ATF6: variants seen among roughly 807,000 people sequenced by gnomAD.
The protein encoded by ATF6 is cyclic AMP-dependent transcription factor ATF-6 alpha.
ATF6 carries 53 observed loss-of-function variants against 83.6 expected under a neutral mutation model. That is an observed-to-expected ratio of 0.63 (90% CI 0.51 to 0.80). ATF6 has a LOEUF of 0.80. Among genes scored for constraint, ATF6 ranks in the 30% least tolerant of loss-of-function variants. ATF6 has a pLI of 0.00. For missense variants in ATF6, 744 were observed against 797.9 expected, an observed-to-expected ratio of 0.93 and a Z score of 0.81; for synonymous variants, 288 against 285.8, an observed-to-expected ratio of 1.01 and a Z score of -0.08.
Position 161,959,656 on chromosome 1 carries a change from C to CGA in ATF6, c.*1005_*1006dup, listed in dbSNP as rs1189536745. On this transcript the variant is annotated 3_prime_UTR_variant, in exon 16 of 16. Transcript: ENST00000367942. ...CTGCACTCCAGCCTGGGCGACAGAG[C>CGA]GAGACTCCGTCTCAAAAAAAAAAAA... 8.4e-6 allele frequency: 1 copy of CGA among 119,096 alleles called. No individual in the cohort carries two copies. Among genetic ancestry groups the CGA allele is most frequent in the Non-Finnish European group, 1.6e-5 (1 of 61,152 alleles). The allele number at this position is 119,096 out of a possible 1,614,324, so 7.4% of individuals were successfully genotyped here.
chr1:161,790,717 A>G (rs1684854518), intron 4 of ATF6, among the ~76,000 whole-genome samples: 1 of 152,064 alleles, frequency 6.6e-6, no homozygotes, highest in South Asian at 2.1e-4. Flanking sequence ...AGGCTAAGGC[A>G]GGAGAATTGC....
At chr1:161,889,475 A>G (rs1459770135) in intron 14 of ATF6, among the ~76,000 whole-genome samples, 2 of 152,266 alleles carry the variant, frequency 1.3e-5, no homozygotes, top group Admixed American at 1.3e-4. Flanking sequence ...AACCCAAGCT[A>G]TAACAACATG....
At chr1:161,786,146 G>A (rs1487169815) in intron 4 of ATF6, among the ~76,000 whole-genome samples, 1 of 151,430 alleles carries the variant, frequency 6.6e-6, no homozygotes, top group Non-Finnish European at 1.5e-5. Context: ...CACCACACCC[G>A]GCTAATTTTT....
chr1:161,880,350 G>A lies in ATF6; in HGVS notation c.1719+17038G>A, dbSNP rs77514064. Among the ~76,000 whole-genome samples, 59 of 146,766 alleles carry A rather than the reference G, an allele frequency of 4.0e-4. 1 individual carries two copies. The highest frequency in any genetic ancestry group is 7.0e-3 in the Middle Eastern group (2 of 286). On this transcript the variant is annotated intron_variant, in intron 14 of 15. Coordinates refer to ENST00000367942, the MANE Select transcript of ATF6 (RefSeq NM_007348.4). Reference sequence around the variant, plus strand: ...TGTATGTGTGTGTGTGTGTGTGTGTGTATATATGTATATACTTATATAGGT... The same window carrying A: ...TGTATGTGTGTGTGTGTGTGTGTGTATATATATGTATATACTTATATAGGT...
chr1:161,773,379 C>T (rs1018076652), intron 1 of ATF6, among the ~76,000 whole-genome samples: 2 of 151,888 alleles, frequency 1.3e-5, no homozygotes, highest in Non-Finnish European at 2.9e-5. Context: ...CCTCATGATC[C>T]GCCTGCCCAC....
Position 161,939,911 on chromosome 1 carries a change from G to T in ATF6, c.1805-18535G>T, listed in dbSNP as rs568896338. Among the ~76,000 whole-genome samples, 9 of 152,328 alleles carry T rather than the reference G, an allele frequency of 5.9e-5. No individual in the cohort carries two copies. The South Asian group carries it at 1.9e-3, about 32-fold the overall frequency. On this transcript the variant is annotated intron_variant, in intron 15 of 15. Coordinates refer to ENST00000367942, the MANE Select transcript of ATF6 (RefSeq NM_007348.4). ...GTTCTTTTACTAGAGGAAAAAGAGC[G>T]TGATGGATTTTGGAGGACAGGGAGC...
intron 15 of ATF6, among the ~76,000 whole-genome samples, chr1:161,939,758 G>A (rs1410407824): frequency 1.3e-5 from 2 of 152,226 alleles, no homozygotes; most frequent in African/African-American, 4.8e-5. Flanking sequence ...GGACTCAGAA[G>A]TTAAACATGT....
intron 15 of ATF6, among the ~76,000 whole-genome samples, chr1:161,930,104 G>A (rs1202936311): frequency 6.6e-6 from 1 of 152,184 alleles, no homozygotes; most frequent in Non-Finnish European, 1.5e-5. Flanking sequence ...TCTATACTTT[G>A]TACATGATAG....
intron 9 of ATF6, among the ~76,000 whole-genome samples, chr1:161,829,755 C>T (rs906545222): frequency 1.3e-5 from 2 of 152,070 alleles, no homozygotes; most frequent in Admixed American, 6.5e-5. Flanking sequence ...AATTCAACAG[C>T]CCTTCATGCT....
At chr1:161,909,486 A>G (rs1687944936) in intron 14 of ATF6, among the ~76,000 whole-genome samples, 1 of 152,120 alleles carries the variant, frequency 6.6e-6, no homozygotes, top group Non-Finnish European at 1.5e-5. Context: ...TGCTATTTTA[A>G]TGTTACAGAG....
At chr1:161,783,401 ATCTT>A (rs945297822) in intron 3 of ATF6, among the ~76,000 whole-genome samples, 5 of 152,198 alleles carry the variant, frequency 3.3e-5, no homozygotes, top group African/African-American at 1.2e-4. Flanking sequence ...ACCCTATTCT[ATCTT>A]TGACACCAAG....
intron 15 of ATF6, among the ~76,000 whole-genome samples, chr1:161,943,230 G>C (rs1688686435): frequency 6.6e-6 from 1 of 152,132 alleles, no homozygotes. Flanking sequence ...CATGGGGGCT[G>C]TTTCCCCCAT....
chr1:161,807,863 A>ATTTTTT lies in ATF6; in HGVS notation c.909+5592_909+5593insTTTTTT, dbSNP rs1557971141. Among the ~76,000 whole-genome samples the ATTTTTT allele has an allele frequency of 2.3e-3, 128 of 54,788 alleles. 14 individuals carry two copies. The highest frequency in any genetic ancestry group is 0.01 in the African/African-American group (125 of 12,228). 35.9% of individuals were successfully genotyped at this position (54,788 alleles called of 152,430 possible). Reference sequence around the variant, plus strand: ...TACTTTTTGTACTTTTTAGTTTGTCATCTTTTTTTTTTTTTTTTTTTTTTT... The same window carrying ATTTTTT: ...TACTTTTTGTACTTTTTAGTTTGTCATTTTTTTCTTTTTTTTTTTTTTTTTTTTTTT... On this transcript the variant is annotated intron_variant, in intron 7 of 15. Transcript: ENST00000367942.
chr1:161,837,350 G>A (rs1686249242), intron 9 of ATF6, among the ~76,000 whole-genome samples: 1 of 152,162 alleles, frequency 6.6e-6, no homozygotes, highest in Non-Finnish European at 1.5e-5. Flanking sequence ...TTCTACAAAT[G>A]GTTCTTAATT....
intron 15 of ATF6, among the ~76,000 whole-genome samples, chr1:161,947,775 G>A (rs1403137177): frequency 7.8e-6 from 1 of 127,836 alleles, no homozygotes; most frequent in East Asian, 2.6e-4. Context: ...TCATATTATA[G>A]AAATAAAAAA....
At chr1:161,883,714 A>G (rs1687365123) in intron 14 of ATF6, among the ~76,000 whole-genome samples, 1 of 152,078 alleles carries the variant, frequency 6.6e-6, no homozygotes, top group South Asian at 2.1e-4. Context: ...AAAATCATAT[A>G]GATTAAAAAA....
At chr1:161,891,327 A>G (rs1687550753) in intron 14 of ATF6, 1 of 152,300 alleles carries the variant, frequency 6.6e-6, no homozygotes, top group Admixed American at 6.5e-5. Flanking sequence ...CACAGTGCAC[A>G]TGTAGGTGCA....
At chr1:161,905,821 G>GTTTTGTT (rs565757447) in intron 14 of ATF6, among the ~76,000 whole-genome samples, 3 of 151,622 alleles carry the variant, frequency 2.0e-5, no homozygotes, top group Non-Finnish European at 2.9e-5. Flanking sequence ...TGTTGTTGTT[G>GTTTTGTT]TTTTGTTTTT....
At chr1:161,891,551 C>G (rs1474409228) in intron 14 of ATF6, 5 of 152,200 alleles carry the variant, frequency 3.3e-5, no homozygotes, top group Non-Finnish European at 5.9e-5. Flanking sequence ...TCGACGAAAA[C>G]GAGTACCTGA....
Sources: allele counts gnomAD v4.1 joint callset (sites outside exome capture counted in the v4.1 genomes callset), GRCh38; gene constraint gnomAD v4.1.1; transcripts MANE v1.5; gene names NCBI Gene and HGNC (gene_info 2026-07-23, HGNC 2026-07-21).